The following CS variants were observed in gnomAD, a reference collection of about 807,000 sequenced individuals.
CS encodes citrate synthase, mitochondrial.
A neutral mutation model predicts 61.4 loss-of-function variants in CS; 13 were observed. The ratio of observed to expected loss-of-function variants is 0.21; its 90% CI spans 0.14 to 0.34. The LOEUF is 0.34. CS is among the 10% of genes least tolerant of loss of function. The pLI is 1.00. For missense variants in CS, 278 were observed against 573.4 expected, an observed-to-expected ratio of 0.48 and a Z score of 5.26; for synonymous variants, 159 against 215.2, an observed-to-expected ratio of 0.74 and a Z score of 2.29.
rs769086942 is a variant in CS, at chr12:56,274,763, G to A, written c.1020+14C>T. 3 of 1,521,862 alleles carry A rather than the reference G, an allele frequency of 2.0e-6. No individual in the cohort carries two copies. The highest frequency in any genetic ancestry group is 2.7e-6 in the Non-Finnish European group (3 of 1,131,914). 94.3% of individuals were successfully genotyped at this position (1,521,862 alleles called of 1,614,324 possible). A position where few individuals can be genotyped will look rare whatever the true frequency, so the allele number is the denominator to read the frequency against. Reference sequence around the variant, plus strand: ...TCTTGGTTTCTTTCCTAGTCGTTAAGCATCTCTGCTTACCCGTCCTGAGTT... The same window carrying A: ...TCTTGGTTTCTTTCCTAGTCGTTAAACATCTCTGCTTACCCGTCCTGAGTT... On this transcript the variant is annotated intron_variant, in intron 9 of 10. Transcript: ENST00000351328.
intron 1 of CS, chr12:56,298,738 A>T: frequency 1.1e-6 from 1 of 946,052 alleles, no homozygotes; most frequent in Non-Finnish European, 1.3e-6. Context: ...TGTGCCAACC[A>T]TGAAAAATAA....
intron 6 of CS, among the ~76,000 whole-genome samples, chr12:56,276,905 C>G (rs929959815): frequency 2.0e-5 from 3 of 152,076 alleles, no homozygotes; most frequent in African/African-American, 2.4e-5. Context: ...TGTGTTAAGA[C>G]AGCAGGTTTT....
At chr12:56,299,393 A>C (rs1873406721) in intron 1 of CS, among the ~76,000 whole-genome samples, 1 of 152,226 alleles carries the variant, frequency 6.6e-6, no homozygotes, top group Non-Finnish European at 1.5e-5. Context: ...TCAACGGCAT[A>C]ACCTGGGTAA....
At chr12:56,291,208 C>T (rs1873114184) in intron 1 of CS, 2 of 1,181,842 alleles carry the variant, frequency 1.7e-6, no homozygotes, top group African/African-American at 1.7e-5. Context: ...AATGTGTTGG[C>T]CTATCACCTA....
chr12:56,282,468 G>A lies in CS; in HGVS notation c.540C>T (p.Asn180=). 1 of 1,613,360 alleles carries A rather than the reference G, an allele frequency of 6.2e-7. No individual in the cohort carries two copies. Among genetic ancestry groups the A allele is most frequent in the Non-Finnish European group, 8.5e-7 (1 of 1,179,850 alleles). The change falls in exon 6 of 11, where the codon AAC becomes AAT. Residue 180 remains asparagine, a synonymous_variant. Coordinates refer to ENST00000351328, the MANE Select transcript of CS (RefSeq NM_004077.3). ...TACCCTGTGCATATGCTCGGGCAAA[G>A]TTACTTTCACTGTTGAGGGCTGTAA... ...AAVTALNSES[N]FARAYAQGIS...
chr12:56,283,480 T>G (rs557560839), intron 4 of CS, among the ~76,000 whole-genome samples: 2 of 152,204 alleles, frequency 1.3e-5, no homozygotes, highest in South Asian at 2.1e-4. Flanking sequence ...CCTGACCGCA[T>G]GATCTGCCCG....
rs1166485803 is a variant in CS, at chr12:56,276,182, T to TC, written c.601dup (p.Asp201GlyfsTer31). The stretch of plus-strand genomic sequence containing the variant: ...TAGCTTTGCGATTAGATCCATAGAG[T>TC]CTTCATAAATCAACTGACAGAAGAG... On this transcript the variant is annotated frameshift_variant, in exon 7 of 11. Coordinates refer to ENST00000351328, the MANE Select transcript of CS (RefSeq NM_004077.3). LOFTEE classifies it high-confidence loss of function. The TC allele has an allele frequency of 6.2e-7, 1 of 1,613,748 alleles. No homozygotes were observed. The highest frequency in any genetic ancestry group is 8.5e-7 in the Non-Finnish European group (1 of 1,179,970).
Position 56,286,004 on chromosome 12 carries a change from G to A in CS, c.113C>T (p.Ala38Val). ...GGCCTGCTCCTTAGGTATCAGGTCA[G>A]CCAATATGTCTTTCAAATTCTAAAA... ...ASSTNLKDIL[A>V]DLIPKEQARI... Residue 38 changes from alanine to valine, a missense_variant, in exon 3 of 11, where the codon GCT becomes GTT. This residue lies in a region of CS where 55 missense variants were observed against 69.9 expected (regional missense o/e 0.79). Coordinates refer to ENST00000351328, the MANE Select transcript of CS (RefSeq NM_004077.3). 6.2e-7 allele frequency: 1 copy of A among 1,613,782 alleles called. No individual in the cohort carries two copies. Among genetic ancestry groups the A allele is most frequent in the Non-Finnish European group, 8.5e-7 (1 of 1,179,772 alleles).
At chr12:56,287,958 A>G (rs1471487649) in intron 1 of CS, among the ~76,000 whole-genome samples, 2 of 152,332 alleles carry the variant, frequency 1.3e-5, no homozygotes, top group African/African-American at 4.8e-5. Context: ...ATGCCAGGCC[A>G]TACACCAACT....
rs766235257 is a variant in CS at position 56,286,589 on chromosome 12, C to A, written c.93+6G>T. On this transcript the variant is annotated splice_donor_region_variant and intron_variant, in intron 2 of 10. Coordinates refer to ENST00000351328, the MANE Select transcript of CS (RefSeq NM_004077.3). ...CTTATTCTTAGTCTTCTTTTCCAAA[C>A]CTTACCGTGGAGGAAGCACTGGCAT... The A allele has an allele frequency of 6.2e-7, 1 of 1,613,876 alleles. No individual in the cohort carries two copies. The highest frequency in any genetic ancestry group is 1.7e-5 in the Admixed American group (1 of 60,022).
In CS at chr12:56,283,280, GTCGCC is replaced by G. The variant is rs1316776123; in HGVS notation, c.268-294_268-290del. ...TTTTTTTGAGACGGAGTCTCACACT[GTCGCC>G]CAGGCTGGAGTGCAGTGGTGCGATC... On this transcript the variant is annotated intron_variant, in intron 4 of 10. Coordinates refer to ENST00000351328, the MANE Select transcript of CS (RefSeq NM_004077.3). Among the ~76,000 whole-genome samples, 14 of 152,178 alleles carry G rather than the reference GTCGCC, an allele frequency of 9.2e-5. No individual in the cohort carries two copies. The East Asian group carries it at 2.3e-3, about 25-fold the overall frequency.
chr12:56,274,743 G>A, intron 9 of CS, 34 bp downstream of exon 9: 4 of 1,460,074 alleles, frequency 2.7e-6, no homozygotes, highest in East Asian at 2.4e-5. Flanking sequence ...TTGTGTCTTG[G>A]TTTCTTTCCT....
At chr12:56,297,353 CAAG>C (rs1401958378) in intron 1 of CS, among the ~76,000 whole-genome samples, 1 of 152,170 alleles carries the variant, frequency 6.6e-6, no homozygotes, top group Non-Finnish European at 1.5e-5. Context: ...TTTGGATAAA[CAAG>C]AAGTCAAATA....
intron 1 of CS, among the ~76,000 whole-genome samples, chr12:56,298,175 T>C (rs2135928475): frequency 6.6e-6 from 1 of 152,248 alleles, no homozygotes; most frequent in African/African-American, 2.4e-5. Flanking sequence ...ATTTTGTATT[T>C]TTCGTAGAGA....
At chr12:56,295,225 C>CTA (rs1254434313) in intron 1 of CS, among the ~76,000 whole-genome samples, 3 of 151,850 alleles carry the variant, frequency 2.0e-5, no homozygotes, top group African/African-American at 7.3e-5. Context: ...TCATGCCTAG[C>CTA]TAATAAATAT....
intron 4 of CS, 132 bp downstream of exon 4, chr12:56,283,660 A>AT: frequency 1.5e-6 from 1 of 654,702 alleles, no homozygotes; most frequent in African/African-American, 1.8e-5. Flanking sequence ...TATTCCATAC[A>AT]TATGTCTTCT....
At chr12:56,299,933 G>A (rs990003752) in intron 1 of CS, 2 of 490,884 alleles carry the variant, frequency 4.1e-6, no homozygotes, top group African/African-American at 2.1e-5. Context: ...CACGCGTTCT[G>A]GACTGCGGGC....
intron 1 of CS, 55 bp from the exon 2 acceptor site, chr12:56,286,700 TAAC>T (rs1872949866): frequency 6.8e-7 from 1 of 1,471,168 alleles, no homozygotes; most frequent in Admixed American, 1.7e-5. Flanking sequence ...TCTTTTATAT[TAAC>T]AAGAAGGAAT....
chr12:56,295,903 G>A (rs984466044), intron 1 of CS, among the ~76,000 whole-genome samples: 1 of 142,236 alleles, frequency 7.0e-6, no homozygotes, highest in African/African-American at 2.6e-5. Flanking sequence ...GCAGTGAGCC[G>A]GGATCGAGCC....
Sources: allele counts gnomAD v4.1 joint callset (sites outside exome capture counted in the v4.1 genomes callset), GRCh38; gene constraint gnomAD v4.1.1; regional missense constraint gnomAD v4.1.1; transcripts MANE v1.5; gene names NCBI Gene and HGNC (gene_info 2026-07-23, HGNC 2026-07-21).